The following RGS5 variants were observed in gnomAD, a reference collection of about 807,000 sequenced individuals.
RGS5 encodes the protein regulator of G-protein signalling 5.
In RGS5, 20 loss-of-function variants were observed where a neutral mutation model predicts 18.9. The ratio of observed to expected loss-of-function variants is 1.06; its 90% confidence interval spans 0.74 to 1.54. The LOEUF (loss-of-function observed/expected upper bound fraction) is 1.54, where lower values mean the gene tolerates loss of function less well. Ranked by LOEUF, RGS5 falls within the 40% of genes most tolerant of loss-of-function variation. The pLI, the probability that RGS5 is intolerant of heterozygous loss-of-function variation, is 0.00. For synonymous variants in RGS5, 57 were observed against 76.2 expected, an observed-to-expected ratio of 0.75 and a Z score of 1.31; for missense variants, 201 against 211.8, an observed-to-expected ratio of 0.95 and a Z score of 0.32.
chr1:163,190,723 A>G (rs1659309531), intron 1 of RGS5, among the ~76,000 whole-genome samples: 1 of 152,254 alleles, frequency 6.6e-6, no homozygotes, highest in African/African-American at 2.4e-5. Context: ...AGGTGAGCCC[A>G]GTGGGCTGAA....
At chr1:163,265,701 T>G (rs1278338479) in intron 2 of RGS5, among the ~76,000 whole-genome samples, 2 of 152,132 alleles carry the variant, frequency 1.3e-5, no homozygotes, top group Admixed American at 1.3e-4. Flanking sequence ...AAACTGTGAC[T>G]CATTTCAAAT....
intron 1 of RGS5, among the ~76,000 whole-genome samples, chr1:163,173,167 T>C (rs2102406765): frequency 6.6e-6 from 1 of 152,354 alleles, no homozygotes; most frequent in East Asian, 1.9e-4. Context: ...TAGACATTTT[T>C]TCCTGGCCAC....
intron 2 of RGS5, among the ~76,000 whole-genome samples, chr1:163,298,360 C>G (rs1533026): frequency 2.6e-5 from 4 of 151,850 alleles, no homozygotes; most frequent in Non-Finnish European, 5.9e-5. Flanking sequence ...AATAAACTGA[C>G]AGTAGACAGT....
chr1:163,182,944 G>T (rs903008162), intron 1 of RGS5, among the ~76,000 whole-genome samples: 1 of 76,880 alleles, frequency 1.3e-5, no homozygotes. Flanking sequence ...GTAGTAAAAG[G>T]TATTGGAGAA....
intron 2 of RGS5, among the ~76,000 whole-genome samples, chr1:163,281,571 GATCCATCC>G (rs567661023): frequency 3.3e-5 from 5 of 152,022 alleles, no homozygotes; most frequent in Non-Finnish European, 5.9e-5. Context: ...ATTCATGAGG[GATCCATCC>G]CCATGAGTCA....
At chr1:163,153,342 G>A (rs187857305) in intron 3 of RGS5, among the ~76,000 whole-genome samples, 14 of 152,204 alleles carry the variant, frequency 9.2e-5, no homozygotes, top group Admixed American at 3.3e-4. Context: ...ACATTTACAC[G>A]ATGAAAGGAA....
Position 163,144,982 on chromosome 1 carries a change from TA to T in RGS5, c.*2359del, listed in dbSNP as rs1657074480. ...AAGATTATATAGATGTAGATATAGA[TA>T]GATAGATATATGTAGATATATAGAT... On this transcript the variant is annotated 3_prime_UTR_variant, in exon 5 of 5. Coordinates refer to ENST00000313961, the MANE Select transcript of RGS5 (RefSeq NM_003617.4). The T allele has an allele frequency of 6.6e-6, 1 of 152,166 alleles. No individual in the cohort carries two copies. The highest frequency in any genetic ancestry group is 1.5e-5 in the Non-Finnish European group (1 of 68,022). The allele number at this position is 152,166 out of a possible 1,614,324, so 9.4% of individuals were successfully genotyped here.
chr1:163,298,591 G>C (rs1221100285), intron 2 of RGS5, among the ~76,000 whole-genome samples: 1 of 152,098 alleles, frequency 6.6e-6, no homozygotes, highest in African/African-American at 2.4e-5. Flanking sequence ...ACATCTCTCA[G>C]GTAATAAAAG....
intron 1 of RGS5, among the ~76,000 whole-genome samples, chr1:163,316,947 A>G (rs1650042483): frequency 6.6e-6 from 1 of 152,222 alleles, no homozygotes; most frequent in South Asian, 2.1e-4. Flanking sequence ...GTGTTGGAGC[A>G]TCAAAGGTCA....
intron 2 of RGS5, among the ~76,000 whole-genome samples, chr1:163,256,315 T>C (rs954607129): frequency 2.8e-5 from 4 of 140,830 alleles, no homozygotes; most frequent in African/African-American, 1.1e-4. Flanking sequence ...TATACACCAA[T>C]AACAGACAAA....
chr1:163,289,582 T>C (rs1220382611), intron 2 of RGS5, among the ~76,000 whole-genome samples: 2 of 152,168 alleles, frequency 1.3e-5, no homozygotes, highest in Non-Finnish European at 2.9e-5. Flanking sequence ...AATTGTGATA[T>C]TGACTATGAC....
chr1:163,149,687 T>C (rs931665340), intron 4 of RGS5, among the ~76,000 whole-genome samples: 4 of 152,208 alleles, frequency 2.6e-5, no homozygotes, highest in African/African-American at 9.6e-5. Context: ...TTGTTTAAAT[T>C]TAATTCCAAT....
chr1:163,152,423 A>G (rs1657408951), intron 4 of RGS5, 127 bp downstream of exon 4: 5 of 938,852 alleles, frequency 5.3e-6, no homozygotes, highest in Middle Eastern at 4.5e-4. Flanking sequence ...ATAGGTGCTT[A>G]ATAAGGTGGT....
intron 2 of RGS5, among the ~76,000 whole-genome samples, chr1:163,230,725 G>A (rs1217654718): frequency 6.6e-6 from 1 of 152,120 alleles, no homozygotes; most frequent in African/African-American, 2.4e-5. Flanking sequence ...AACACCTGAT[G>A]ATTAACCTTC....
chr1:163,214,787 G>C (rs191372482), intron 1 of RGS5, among the ~76,000 whole-genome samples: 61 of 152,208 alleles, frequency 4.0e-4, no homozygotes, highest in African/African-American at 1.5e-3. Flanking sequence ...TTTAAAAAGT[G>C]TTTGCTTTAG....
chr1:163,221,034 T>A (rs1180719344), upstream of RGS5, among the ~76,000 whole-genome samples: 1 of 152,216 alleles, frequency 6.6e-6, no homozygotes, highest in Non-Finnish European at 1.5e-5. Context: ...TGGTAATTTG[T>A]TATAGCAATA....
At chr1:163,278,052 A>C (rs1348658142) in intron 2 of RGS5, among the ~76,000 whole-genome samples, 2 of 151,956 alleles carry the variant, frequency 1.3e-5, no homozygotes, top group Non-Finnish European at 2.9e-5. Flanking sequence ...AATGTTTAAA[A>C]TTTCAGAAAA....
At chr1:163,231,825 G>A (rs1280081714) in intron 2 of RGS5, among the ~76,000 whole-genome samples, 3 of 150,476 alleles carry the variant, frequency 2.0e-5, no homozygotes, top group African/African-American at 7.3e-5. Context: ...TTCATTCAAA[G>A]CAATAGGGAA....
intron 2 of RGS5, among the ~76,000 whole-genome samples, chr1:163,223,126 T>C (rs1457521008): frequency 6.6e-6 from 1 of 152,166 alleles, no homozygotes; most frequent in East Asian, 1.9e-4. Context: ...AATACAGACA[T>C]GAGCCACTGC....
Sources: gnomAD v4.1 joint callset for allele counts (sites outside exome capture counted in the v4.1 genomes callset) on GRCh38, gnomAD v4.1.1 for gene constraint, MANE v1.5 for transcripts, NCBI Gene and HGNC (gene_info 2026-07-23, HGNC 2026-07-21) for gene names.